The following TENM1 variants were observed in gnomAD, a reference collection of about 807,000 sequenced individuals.
TENM1 encodes teneurin-1.
In TENM1, 35 loss-of-function variants were observed where a neutral mutation model predicts 174.8. The ratio of observed to expected loss-of-function variants is 0.20; its 90% CI spans 0.15 to 0.27. The LOEUF is 0.27. Ranked by LOEUF, TENM1 falls within the 10% of genes least tolerant of loss-of-function variation. The pLI is 1.00. For missense variants in TENM1, 1,633 were observed against 2,130.1 expected, an observed-to-expected ratio of 0.77 and a Z score of 4.59; for synonymous variants, 781 against 798.7, an observed-to-expected ratio of 0.98 and a Z score of 0.37.
intron 27 of TENM1, among the ~76,000 whole-genome samples, chrX:124,399,611 A>C (rs1344863057): frequency 8.9e-6 from 1 of 112,252 alleles, no homozygotes; most frequent in Non-Finnish European, 1.9e-5. Flanking sequence ...GCTCATATAC[A>C]GGTGAAATGG....
At chrX:124,593,338 G>C (rs1002303899) in intron 11 of TENM1, among the ~76,000 whole-genome samples, 1 of 111,468 alleles carries the variant, frequency 9.0e-6, no homozygotes, top group Non-Finnish European at 1.9e-5. Flanking sequence ...TGGGCTTGGA[G>C]TAGAGAGAGC....
intron 27 of TENM1, among the ~76,000 whole-genome samples, chrX:124,402,597 T>C (rs2060412384): frequency 8.9e-6 from 1 of 112,229 alleles, no homozygotes; most frequent in African/African-American, 3.2e-5. Context: ...TCTGTGCATA[T>C]GGAGGACAGA....
chrX:125,026,765 TAAC>T, the TENM1 span, among the ~76,000 whole-genome samples: 11 of 111,828 alleles, frequency 9.8e-5, no homozygotes, highest in African/African-American at 3.6e-4. Flanking sequence ...ATTAACAAAA[TAAC>T]AAAAGCGAAA....
At chrX:124,628,486 TA>T (rs1251699884) in intron 11 of TENM1, among the ~76,000 whole-genome samples, 4 of 111,361 alleles carry the variant, frequency 3.6e-5, no homozygotes, top group Non-Finnish European at 7.5e-5. Flanking sequence ...TAGCCCAATA[TA>T]TCCAAAATAT....
At chrX:125,132,537 AG>A in the TENM1 span, among the ~76,000 whole-genome samples, 1 of 112,073 alleles carries the variant, frequency 8.9e-6, no homozygotes, top group Non-Finnish European at 1.9e-5. Flanking sequence ...ATCTGGATAG[AG>A]GGGGTAAGGA....
At chrX:124,612,966 T>C (rs2050313352) in intron 11 of TENM1, among the ~76,000 whole-genome samples, 1 of 111,486 alleles carries the variant, frequency 9.0e-6, no homozygotes, top group African/African-American at 3.3e-5. Context: ...AGTCCTGCAA[T>C]CTATTTTCTT....
chrX:124,995,225 G>A, the TENM1 span, among the ~76,000 whole-genome samples: 2 of 110,330 alleles, frequency 1.8e-5, no homozygotes, highest in South Asian at 3.8e-4. Context: ...TTTATATAGC[G>A]CTGTATCTTC....
chrX:124,592,206 G>T (rs2049764838), intron 11 of TENM1, among the ~76,000 whole-genome samples: 1 of 111,233 alleles, frequency 9.0e-6, no homozygotes, highest in African/African-American at 3.3e-5. Flanking sequence ...CTTTGTAATT[G>T]TGCTTTGAAT....
chrX:124,748,696 A>C (rs2053993704), intron 3 of TENM1, among the ~76,000 whole-genome samples: 1 of 112,219 alleles, frequency 8.9e-6, no homozygotes, highest in South Asian at 3.7e-4. Context: ...TAGTAAGTAC[A>C]TCATAACATT....
chrX:124,858,584 C>T (rs139105680), intron 3 of TENM1, among the ~76,000 whole-genome samples: 2,499 of 111,707 alleles, frequency 0.022, 62 homozygotes, highest in African/African-American at 0.077. Context: ...CAGAATTACT[C>T]TTATCAGTAT....
chrX:124,420,362 G>A (rs1280526327), exon 25 of TENM1: 2 of 1,208,932 alleles, frequency 1.7e-6, no homozygotes, highest in Admixed American at 4.3e-5. Flanking sequence ...CAGAAGCCCT[G>A]TGTTTCCTGG....
chrX:124,448,232 TGTCATGGAA>T (rs1333863647), intron 23 of TENM1, among the ~76,000 whole-genome samples: 3 of 112,243 alleles, frequency 2.7e-5, no homozygotes, highest in Non-Finnish European at 5.6e-5. Context: ...AGCTGAGCAG[TGTCATGGAA>T]AGTCTCATCC....
At chrX:124,994,216 C>CTTT in the TENM1 span, among the ~76,000 whole-genome samples, 19 of 50,765 alleles carry the variant, frequency 3.7e-4, no homozygotes, top group Middle Eastern at 0.013. Context: ...AATTGACTGA[C>CTTT]TTTTTTTTTT....
At chrX:124,936,368 C>T (rs2058244228) in intron 1 of TENM1, among the ~76,000 whole-genome samples, 1 of 111,686 alleles carries the variant, frequency 9.0e-6, no homozygotes, top group Non-Finnish European at 1.9e-5. Flanking sequence ...CTCCGCTCTT[C>T]CTTATCCTTC....
chrX:124,600,344 A>T lies in TENM1; in HGVS notation c.2078-34784T>A, dbSNP rs974188239. Among the ~76,000 whole-genome samples the T allele has an allele frequency of 6.3e-5, 7 of 111,886 alleles. No homozygotes were observed. The Admixed American group carries it at 6.7e-4, about 11-fold the overall frequency. The stretch of plus-strand genomic sequence containing the variant: ...AGTGGCAGTCAGTCACTGTTTACAA[A>T]ACAATTTGAGCATCAAAATAAACAG... On this transcript the variant is annotated intron_variant, in intron 11 of 31. Coordinates refer to ENST00000422452, the Ensembl canonical transcript of TENM1.
chrX:124,951,616 C>T (rs1761265277), intron 1 of TENM1, among the ~76,000 whole-genome samples: 1 of 90,164 alleles, frequency 1.1e-5, no homozygotes, highest in African/African-American at 4.0e-5. Flanking sequence ...AAAACTACCA[C>T]ATACTTTTCT....
At chrX:124,451,857 A>C (rs1465072276) in intron 23 of TENM1, among the ~76,000 whole-genome samples, 2 of 112,155 alleles carry the variant, frequency 1.8e-5, no homozygotes, top group African/African-American at 6.5e-5. Flanking sequence ...CTTACACCTT[A>C]TACAAAAATT....
intron 3 of TENM1, among the ~76,000 whole-genome samples, chrX:124,809,843 G>GGA (rs4027522): frequency 0.17 from 13,208 of 78,432 alleles, 993 homozygotes; most frequent in Middle Eastern, 0.23. Flanking sequence ...CATGACAGCA[G>GGA]GAGAGAGAGA....
chrX:124,457,382 C>A (rs1040782257), intron 22 of TENM1, among the ~76,000 whole-genome samples: 2 of 111,660 alleles, frequency 1.8e-5, no homozygotes, highest in African/African-American at 6.5e-5. Context: ...TAAAGTGCAT[C>A]TTGTAAAAAA....
Sources: gnomAD v4.1 joint callset for allele counts (sites outside exome capture counted in the v4.1 genomes callset) on GRCh38, gnomAD v4.1.1 for gene constraint, MANE v1.5 for transcripts, NCBI Gene and HGNC (gene_info 2026-07-23, HGNC 2026-07-21) for gene names.